CFAP54: variants seen among roughly 807,000 people sequenced by gnomAD.
The protein encoded by CFAP54 is cilia and flagella associated protein 54.
In CFAP54, 290 loss-of-function variants were observed where a neutral mutation model predicts 370.4. The ratio of observed to expected loss-of-function variants is 0.78; its 90% CI spans 0.71 to 0.86. CFAP54 has a LOEUF of 0.86. CFAP54 is among the 40% of genes least tolerant of loss of function. The pLI is 0.00. For missense variants in CFAP54, 3,399 were observed against 3,528.7 expected, an observed-to-expected ratio of 0.96 and a Z score of 0.93; for synonymous variants, 1,206 against 1,236.5, an observed-to-expected ratio of 0.98 and a Z score of 0.52.
chr12:96,688,812 TTTC>T (rs1957356157), intron 42 of CFAP54, 101 bp from the exon 43 acceptor site: 1 of 581,202 alleles, frequency 1.7e-6, no homozygotes, highest in African/African-American at 2.0e-5. Context: ...TGTATGCATT[TTTC>T]TTATACTTTT....
chr12:96,845,526 G>A (rs1345112917), intron 66 of CFAP54, among the ~76,000 whole-genome samples: 1 of 152,138 alleles, frequency 6.6e-6, no homozygotes, highest in Non-Finnish European at 1.5e-5. Flanking sequence ...GTTGATGTGG[G>A]AGTACAAAGA....
chr12:96,776,669 G>A (rs4254116), intron 60 of CFAP54, among the ~76,000 whole-genome samples: 49,393 of 152,050 alleles, frequency 0.32, 8,317 homozygotes, highest in South Asian at 0.54. Flanking sequence ...AACTGCGTAA[G>A]TGGTAGTTTC....
chr12:96,609,036 C>T (rs1956328940), intron 26 of CFAP54, among the ~76,000 whole-genome samples: 1 of 152,106 alleles, frequency 6.6e-6, no homozygotes, highest in South Asian at 2.1e-4. Context: ...AGTCCTAAAA[C>T]ACGATGACAA....
At chr12:96,864,519 G>A (rs1482608697) in intron 67 of CFAP54, among the ~76,000 whole-genome samples, 1 of 152,138 alleles carries the variant, frequency 6.6e-6, no homozygotes, top group Admixed American at 6.6e-5. Flanking sequence ...GAGGGAAGTG[G>A]TAAATTTCTG....
At chr12:96,822,945 G>C (rs1219534165) in intron 65 of CFAP54, among the ~76,000 whole-genome samples, 1 of 152,050 alleles carries the variant, frequency 6.6e-6, no homozygotes, top group Non-Finnish European at 1.5e-5. Context: ...TTATTATGTT[G>C]TTCAACTTAG....
chr12:96,741,697 A>G (rs1316262398), intron 51 of CFAP54, among the ~76,000 whole-genome samples: 1 of 152,200 alleles, frequency 6.6e-6, no homozygotes, highest in East Asian at 1.9e-4. Context: ...ACTCCCCCAG[A>G]AATAGCTTTC....
At chr12:96,674,401 T>C (rs1455234448) in intron 39 of CFAP54, among the ~76,000 whole-genome samples, 3 of 146,880 alleles carry the variant, frequency 2.0e-5, no homozygotes, top group Non-Finnish European at 4.5e-5. Flanking sequence ...CTGTTGAGGC[T>C]ACTAGTGCCT....
intron 31 of CFAP54, among the ~76,000 whole-genome samples, 163 bp downstream of exon 31, chr12:96,630,367 A>C (rs575302435): frequency 7.5e-6 from 1 of 133,116 alleles, no homozygotes; most frequent in African/African-American, 2.9e-5. Flanking sequence ...TAACATGTAG[A>C]TATTGTTATA....
At chr12:96,798,111 C>T (rs1398302964) in intron 63 of CFAP54, among the ~76,000 whole-genome samples, 1 of 151,880 alleles carries the variant, frequency 6.6e-6, no homozygotes, top group Admixed American at 6.6e-5. Flanking sequence ...CTTTTTAACC[C>T]AAAATAATAG....
chr12:96,608,377 T>A (rs1956322986), intron 26 of CFAP54, among the ~76,000 whole-genome samples: 1 of 150,872 alleles, frequency 6.6e-6, no homozygotes, highest in Non-Finnish European at 1.5e-5. Context: ...TGATAGAATA[T>A]AAATATGTCT....
intron 17 of CFAP54, among the ~76,000 whole-genome samples, chr12:96,555,989 C>T (rs747618120): frequency 2.5e-4 from 38 of 151,814 alleles, no homozygotes; most frequent in Non-Finnish European, 4.6e-4. Context: ...CTCGCTCTAA[C>T]ATAAGTCAAG....
intron 26 of CFAP54, among the ~76,000 whole-genome samples, chr12:96,604,362 C>T (rs1956278636): frequency 6.6e-6 from 1 of 152,204 alleles, no homozygotes; most frequent in African/African-American, 2.4e-5. Context: ...TTTGAGGTGT[C>T]TGTTGGCCCT....
chr12:96,866,668 A>C (rs1960013929), intron 67 of CFAP54, among the ~76,000 whole-genome samples: 1 of 152,136 alleles, frequency 6.6e-6, no homozygotes, highest in Admixed American at 6.5e-5. Flanking sequence ...TCCCCACAAG[A>C]TTCACAAGAA....
At chr12:96,771,093 A>T (rs1958455844) in intron 60 of CFAP54, among the ~76,000 whole-genome samples, 1 of 152,222 alleles carries the variant, frequency 6.6e-6, no homozygotes. Flanking sequence ...AAATTGCCAA[A>T]GCAAATTGGA....
chr12:96,601,984 C>A (rs1254006032), intron 26 of CFAP54, among the ~76,000 whole-genome samples: 2 of 152,004 alleles, frequency 1.3e-5, no homozygotes, highest in African/African-American at 4.8e-5. Flanking sequence ...TTAGTTATTT[C>A]TTGTCTTCTG....
At chr12:96,517,366 C>T (rs1053117546) in intron 5 of CFAP54, among the ~76,000 whole-genome samples, 86 of 152,208 alleles carry the variant, frequency 5.7e-4, no homozygotes, top group African/African-American at 1.9e-3. Flanking sequence ...TTTTCCATAG[C>T]AAATCAAATA....
intron 1 of CFAP54, among the ~76,000 whole-genome samples, chr12:96,495,047 C>T (rs1043693947): frequency 6.6e-6 from 1 of 152,062 alleles, no homozygotes; most frequent in African/African-American, 2.4e-5. Context: ...TTTTTTGTAT[C>T]AAAATTTGTT....
chr12:96,780,092 T>C (rs542166904), intron 60 of CFAP54, among the ~76,000 whole-genome samples: 6 of 152,308 alleles, frequency 3.9e-5, no homozygotes, highest in Non-Finnish European at 7.4e-5. Context: ...TATGACCCTT[T>C]GGTAGATTAT....
chr12:96,793,801 TG>T (rs1958729839), intron 63 of CFAP54, among the ~76,000 whole-genome samples: 1 of 152,240 alleles, frequency 6.6e-6, no homozygotes, highest in Non-Finnish European at 1.5e-5. Context: ...TGTATTTTCC[TG>T]ATCATTAGTG....
Sources: gnomAD v4.1 joint callset for allele counts (sites outside exome capture counted in the v4.1 genomes callset) on GRCh38, gnomAD v4.1.1 for gene constraint, MANE v1.5 for transcripts, NCBI Gene and HGNC (gene_info 2026-07-23, HGNC 2026-07-21) for gene names.